Variants in MED24 observed in about 807,000 individuals in gnomAD.
MED24 encodes the protein mediator complex subunit 24.
MED24 carries 74 observed loss-of-function variants against 118.8 expected under a neutral mutation model. The ratio of observed to expected loss-of-function variants is 0.62; its 90% CI spans 0.52 to 0.76. MED24 has a LOEUF of 0.76. Among genes scored for constraint, MED24 ranks in the 30% least tolerant of loss-of-function variants. MED24 has a pLI of 0.00. For synonymous variants in MED24, 521 were observed against 523.9 expected (o/e 0.99, Z 0.08); for missense variants, 1,041 against 1,278.9 (o/e 0.81, Z 2.84).
At chr17:40,040,468 C>T (rs2144947515) in intron 3 of MED24, among the ~76,000 whole-genome samples, 1 of 152,188 alleles carries the variant, frequency 6.6e-6, no homozygotes, top group African/African-American at 2.4e-5. Context: ...CCCACCCACA[C>T]TGGCCTCCCA....
chr17:40,029,941 G>A lies in MED24; in HGVS notation c.1155-82C>T, dbSNP rs201453712. On this transcript the variant is annotated intron_variant, in intron 12 of 25. Coordinates refer to ENST00000394128, the MANE Select transcript of MED24 (RefSeq NM_014815.4). ...CACGTTCCCTCGTTCAAGCCCGGAAGGAAATGCGCAGAGGAGGTGGGAAGC... is the reference window on the plus strand; with the variant it reads ...CACGTTCCCTCGTTCAAGCCCGGAAAGAAATGCGCAGAGGAGGTGGGAAGC... The A allele has an allele frequency of 3.8e-5, 49 of 1,284,908 alleles. No homozygotes were observed. In the East Asian group the frequency reaches 1.1e-3, roughly 28 times the overall value. The allele number at this position is 1,284,908 out of a possible 1,614,324, so 79.6% of individuals were successfully genotyped here. A position where few individuals can be genotyped will look rare whatever the true frequency, so the allele number is the denominator to read the frequency against.
chr17:40,029,512 T>C (rs1242300466), intron 13 of MED24, among the ~76,000 whole-genome samples: 1 of 152,202 alleles, frequency 6.6e-6, no homozygotes, highest in Non-Finnish European at 1.5e-5. Flanking sequence ...GTTGTTTCCA[T>C]GTGAGATGGC....
chr17:40,026,829 C>G, intron 17 of MED24, 27 bp downstream of exon 17: 1 of 1,611,808 alleles, frequency 6.2e-7, no homozygotes, highest in Non-Finnish European at 8.5e-7. Context: ...CACCGCCACC[C>G]TTGGAGTGGG....
chr17:40,041,893 G>A (rs1216221210), intron 3 of MED24, among the ~76,000 whole-genome samples: 1 of 152,180 alleles, frequency 6.6e-6, no homozygotes, highest in Non-Finnish European at 1.5e-5. Flanking sequence ...CAGTCTGCAA[G>A]TCCAATTTGG....
rs749117410 is a variant in MED24, at chr17:40,027,425, G to T, written c.1488C>A (p.Ser496=). 6.2e-7 allele frequency: 1 copy of T among 1,613,660 alleles called. No homozygotes were observed. Among genetic ancestry groups the T allele is most frequent in the African/African-American group, 1.3e-5 (1 of 74,926 alleles). ...ASVRALLFDI[S]FLMLCHVAQT... ...GGGCCACATGGCACAGCATGAGGAA[G>T]GAGATGTCAAACAGCAGGGCCCGGA... Residue 496 remains serine, a synonymous_variant, in exon 16 of 26, where the codon TCC becomes TCA. Transcript: ENST00000394128.
At chr17:40,022,932 C>A in intron 20 of MED24, 106 bp from the exon 21 acceptor site, 2 of 1,408,262 alleles carry the variant, frequency 1.4e-6, no homozygotes, top group South Asian at 1.3e-5. Flanking sequence ...GCAGAGGGGG[C>A]CCCAGATGTT....
rs535053724 is a variant in MED24 at position 40,046,951 on chromosome 17, T to A, written c.213+6347A>T. Among the ~76,000 whole-genome samples, 26 of 151,812 alleles carry A rather than the reference T, an allele frequency of 1.7e-4. 1 individual carries two copies. The South Asian group carries it at 4.4e-3, about 26-fold the overall frequency. Reference sequence around the variant, plus strand: ...GGAAGATCCCATCTTTACAAAAAAATTTAAAAATTAGCCAGGCATGGTGGT... The same window carrying A: ...GGAAGATCCCATCTTTACAAAAAAAATTAAAAATTAGCCAGGCATGGTGGT... On this transcript the variant is annotated intron_variant, in intron 3 of 25. Coordinates refer to ENST00000394128, the MANE Select transcript of MED24 (RefSeq NM_014815.4).
chr17:40,035,844 A>C (rs1250874520), intron 4 of MED24, 49 bp from the exon 5 acceptor site: 1 of 1,551,774 alleles, frequency 6.4e-7, no homozygotes, highest in Non-Finnish European at 8.9e-7. Flanking sequence ...ATCCACCCCC[A>C]GGTCTCACAT....
intron 4 of MED24, 51 bp from the exon 5 acceptor site, chr17:40,035,846 G>T: frequency 6.5e-7 from 1 of 1,548,322 alleles, no homozygotes; most frequent in Non-Finnish European, 8.9e-7. Flanking sequence ...CCACCCCCAG[G>T]TCTCACATGA....
intron 23 of MED24, 99 bp downstream of exon 23, chr17:40,021,856 G>A: frequency 1.1e-6 from 1 of 894,402 alleles, no homozygotes; most frequent in Non-Finnish European, 1.8e-6. Flanking sequence ...TCTCTGACCA[G>A]CTGCAAAGAT....
At chr17:40,036,195 T>C in intron 3 of MED24, 41 bp from the exon 4 acceptor site, 1 of 1,577,114 alleles carries the variant, frequency 6.3e-7, no homozygotes, top group Non-Finnish European at 8.7e-7. Context: ...ACAACTAGTC[T>C]CCCACAGTTG....
At chr17:40,029,626 C>A (rs1221516674) in intron 13 of MED24, 122 bp downstream of exon 13, 3 of 907,008 alleles carry the variant, frequency 3.3e-6, no homozygotes, top group Non-Finnish European at 5.0e-6. Context: ...ACCTCCAAAG[C>A]AACTATGTAT....
chr17:40,032,796 G>A (rs4072639), intron 8 of MED24, 34 bp from the exon 9 acceptor site: 586,065 of 1,575,960 alleles, frequency 0.37, 113,366 homozygotes, highest in Middle Eastern at 0.5. Flanking sequence ...GCCTAAGAGG[G>A]TGCCCATACC....
intron 5 of MED24, 63 bp downstream of exon 5, chr17:40,035,659 G>C: frequency 6.5e-7 from 1 of 1,547,374 alleles, no homozygotes; most frequent in South Asian, 1.1e-5. Context: ...GCTAGGAGCT[G>C]CACCTCTGCA....
chr17:40,024,821 C>T (rs1317938115), intron 19 of MED24, among the ~76,000 whole-genome samples: 2 of 152,046 alleles, frequency 1.3e-5, no homozygotes, highest in African/African-American at 4.8e-5. Context: ...CTGCAACCTC[C>T]GCTTCCTGGG....
At position 40,020,288 on chromosome 17, in the gene MED24, G is replaced by C; in HGVS notation, c.2689C>G (p.Leu897Val). The C allele has an allele frequency of 6.4e-7, 1 of 1,562,826 alleles. No individual in the cohort carries two copies. The highest frequency in any genetic ancestry group is 8.7e-7 in the Non-Finnish European group (1 of 1,154,874). The change falls in exon 24 of 26, where the codon CTG becomes GTG. Residue 897 changes from leucine to valine, a missense_variant. Leu to Val is a conservative substitution (Grantham distance 32). Coordinates refer to ENST00000394128, the MANE Select transcript of MED24 (RefSeq NM_014815.4). ...GGGAACTCACCCAGGACTCGGTTCA[G>C]AGGGTCCCGCATGTTGACCGTGTGG... ...QLHTVNMRDP[L>V]NRVLANLFLL...
intron 14 of MED24, 109 bp downstream of exon 14, chr17:40,028,717 G>A (rs1347757613): frequency 1.8e-5 from 27 of 1,465,024 alleles, no homozygotes; most frequent in Non-Finnish European, 2.3e-5. Context: ...CTAGGCCCGT[G>A]GGTCTCTGGA....
In MED24 at chr17:40,033,769, T is replaced by C; in HGVS notation, c.560-313A>G. 1 of 525,894 alleles carries C rather than the reference T, an allele frequency of 1.9e-6. No individual in the cohort carries two copies. The highest frequency in any genetic ancestry group is 3.7e-6 in the Non-Finnish European group (1 of 273,026). 32.6% of individuals were successfully genotyped at this position (525,894 alleles called of 1,614,324 possible). The stretch of plus-strand genomic sequence containing the variant: ...GAGGCAGAGGGAGGCCAGAATCCAG[T>C]GGCTGGAACAGGGAGGGCGGCCACA... On this transcript the variant is annotated intron_variant, in intron 6 of 25. Transcript: ENST00000394128. This position sits in a 1 kb window ranked among gnomAD's most constrained non-coding sequence, Gnocchi z 5.2.
chr17:40,053,273 T>C lies in MED24; in HGVS notation c.213+25A>G, dbSNP rs766592427. 1.8e-5 allele frequency: 28 copies of C among 1,569,114 alleles called. No individual in the cohort carries two copies. In the Admixed American group the frequency reaches 3.8e-4, roughly 21 times the overall value. Reference sequence around the variant, plus strand: ...TTTTACCCCCAGAACTCTCACTTCTTGGTGGGGGTTTGCGGGAAGCTTACC... The same window carrying C: ...TTTTACCCCCAGAACTCTCACTTCTCGGTGGGGGTTTGCGGGAAGCTTACC... On this transcript the variant is annotated intron_variant, in intron 3 of 25. Coordinates refer to ENST00000394128, the MANE Select transcript of MED24 (RefSeq NM_014815.4).
Sources: allele counts gnomAD v4.1 joint callset (sites outside exome capture counted in the v4.1 genomes callset), GRCh38; gene constraint gnomAD v4.1.1; non-coding constraint Gnocchi (gnomAD v3.1); transcripts MANE v1.5; gene names NCBI Gene and HGNC (gene_info 2026-07-23, HGNC 2026-07-21).